The following TMC1 variants were observed in gnomAD, a reference collection of about 807,000 sequenced individuals.
TMC1 encodes the protein transmembrane channel like 1.
In TMC1, 84 loss-of-function variants were observed where a neutral mutation model predicts 105.8. The ratio of observed to expected loss-of-function variants is 0.79; its 90% CI spans 0.67 to 0.95. The LOEUF (loss-of-function observed/expected upper bound fraction) is 0.95. Ranked by LOEUF, TMC1 falls within the 40% of genes least tolerant of loss-of-function variation. The pLI, the probability that TMC1 is intolerant of heterozygous loss-of-function variation, is 0.00. For synonymous variants in TMC1, 315 were observed against 311.5 expected (o/e 1.01, Z -0.12); for missense variants, 817 against 914.1 (o/e 0.89, Z 1.37).
intron 1 of TMC1, among the ~76,000 whole-genome samples, chr9:72,532,530 A>T (rs1009363664): frequency 3.6e-5 from 4 of 112,532 alleles, no homozygotes; most frequent in Non-Finnish European, 6.9e-5. Context: ...AACAAGAGCG[A>T]GACTCCGTCT....
At chr9:72,602,366 ATTTTT>A (rs66682329) in intron 2 of TMC1, among the ~76,000 whole-genome samples, 51 of 86,544 alleles carry the variant, frequency 5.9e-4, no homozygotes, top group African/African-American at 1.1e-3. Flanking sequence ...CCTATTGGTG[ATTTTT>A]TTTTTTTTTT....
rs750183854 is a variant in TMC1 at position 72,628,005 on chromosome 9, G to A, written c.-111G>A. Reference sequence around the variant, plus strand: ...GGGGGCAGCAACTTTGAGCCTGTGGGGAAGGAACTGTCCACGTGGAGTGGT... The same window carrying A: ...GGGGGCAGCAACTTTGAGCCTGTGGAGAAGGAACTGTCCACGTGGAGTGGT... On this transcript the variant is annotated 5_prime_UTR_variant, in exon 4 of 24. Transcript: ENST00000297784. 1.1e-5 allele frequency: 5 copies of A among 455,632 alleles called. No homozygotes were observed. Among genetic ancestry groups the A allele is most frequent in the South Asian group, 6.2e-5 (4 of 64,550 alleles). 28.2% of individuals were successfully genotyped at this position (455,632 alleles called of 1,614,324 possible). A position where few individuals can be genotyped will look rare whatever the true frequency, so the allele number is the denominator to read the frequency against.
chr9:72,742,562 C>T, intron 10 of TMC1, 37 bp downstream of exon 10: 2 of 1,543,156 alleles, frequency 1.3e-6, no homozygotes, highest in Non-Finnish European at 1.8e-6. Flanking sequence ...AGAAGGTTGT[C>T]TTAGAGAAGT....
intron 17 of TMC1, among the ~76,000 whole-genome samples, chr9:72,800,689 T>C (rs1167200504): frequency 7.3e-6 from 1 of 136,814 alleles, no homozygotes; most frequent in Non-Finnish European, 1.7e-5. Flanking sequence ...CCTTGCTTCA[T>C]CATATTTTCT....
chr9:72,794,403 A>C (rs192037049), intron 17 of TMC1, among the ~76,000 whole-genome samples: 5 of 152,270 alleles, frequency 3.3e-5, no homozygotes, highest in Admixed American at 1.3e-4. Context: ...CATGGCTGCA[A>C]CTGTGCGGCA....
chr9:72,705,671 G>A (rs1826725700), intron 8 of TMC1, among the ~76,000 whole-genome samples: 1 of 152,168 alleles, frequency 6.6e-6, no homozygotes. Flanking sequence ...GATATTTAAA[G>A]AAACTTATTT....
chr9:72,789,653 G>A (rs1002349519), intron 15 of TMC1, among the ~76,000 whole-genome samples: 2 of 152,158 alleles, frequency 1.3e-5, no homozygotes, highest in Non-Finnish European at 2.9e-5. Context: ...GAAGAGTCAG[G>A]GTGAGAACCT....
chr9:72,656,266 G>A (rs1588015701), intron 5 of TMC1: 4 of 339,904 alleles, frequency 1.2e-5, no homozygotes, highest in Non-Finnish European at 2.3e-5. Flanking sequence ...AGGTGCGGGC[G>A]GATCAGAGCT....
rs761560850 is a variant in TMC1 at position 72,789,178 on chromosome 9, G to A, written c.1085G>A (p.Arg362Lys). Reference sequence around the variant, plus strand: ...GTAGAAGAAAACGTCCACTTGATCAGATTCCTGAGGTTTCTGGCTAACTTC... The same window carrying A: ...GTAGAAGAAAACGTCCACTTGATCAAATTCCTGAGGTTTCTGGCTAACTTC... ...AQVEENVHLI[R>K]FLRFLANFFV... Residue 362 changes from arginine (R) to lysine (K), a missense_variant, in exon 15 of 24, where the codon AGA becomes AAA. By Grantham distance (26) the Arg-to-Lys change is conservative (BLOSUM62 2). Coordinates refer to ENST00000297784, the MANE Select transcript of TMC1 (RefSeq NM_138691.3). 2.5e-6 allele frequency: 4 copies of A among 1,613,644 alleles called. No individual in the cohort carries two copies. Among genetic ancestry groups the A allele is most frequent in the Admixed American group, 3.3e-5 (2 of 60,020 alleles).
chr9:72,754,963 C>T (rs1827649050), intron 12 of TMC1, 79 bp downstream of exon 12: 2 of 1,010,720 alleles, frequency 2.0e-6, no homozygotes, highest in Non-Finnish European at 1.5e-6. Context: ...CCACGGCCTC[C>T]TCTCCTGGGT....
chr9:72,790,063 A>T (rs1828240305), intron 15 of TMC1, among the ~76,000 whole-genome samples: 2 of 152,180 alleles, frequency 1.3e-5, no homozygotes, highest in Non-Finnish European at 2.9e-5. Context: ...TCAGAAAATC[A>T]TTGGTCATGA....
intron 1 of TMC1, among the ~76,000 whole-genome samples, chr9:72,535,116 G>C (rs531132245): frequency 6.6e-6 from 1 of 151,978 alleles, no homozygotes. Context: ...GCTGCTTAAC[G>C]CTATATTTAT....
intron 17 of TMC1, among the ~76,000 whole-genome samples, chr9:72,793,841 T>G (rs1411523708): frequency 6.6e-6 from 1 of 152,176 alleles, no homozygotes; most frequent in Non-Finnish European, 1.5e-5. Context: ...CCTCCAGGCC[T>G]AGGCCTCCAG....
intron 8 of TMC1, among the ~76,000 whole-genome samples, chr9:72,702,327 C>T (rs1286641763): frequency 1.3e-5 from 2 of 152,044 alleles, no homozygotes; most frequent in African/African-American, 2.4e-5. Flanking sequence ...CGTGCAGGAT[C>T]GTGGAGGAGA....
intron 23 of TMC1, among the ~76,000 whole-genome samples, chr9:72,830,912 A>C (rs941795232): frequency 6.6e-6 from 1 of 152,260 alleles, no homozygotes; most frequent in Admixed American, 6.5e-5. Context: ...ATGTGGGCAT[A>C]TAAACTTGGC....
At position 72,789,206 on chromosome 9, in the gene TMC1, C is replaced by A. The variant is rs762332645; in HGVS notation, c.1113C>A (p.Phe371Leu). The A allele has an allele frequency of 1.2e-6, 2 of 1,613,948 alleles. No individual in the cohort carries two copies. Among genetic ancestry groups the A allele is most frequent in the Admixed American group, 1.7e-5 (1 of 60,012 alleles). ...IRFLRFLANF[F>L]VFLTLGGSGY... is the part of the protein sequence containing the mutation. ...TCCTGAGGTTTCTGGCTAACTTCTT[C>A]GTGTTTCTAACACTTGGAGGGAGTG... The change falls in exon 15 of 24, where the codon TTC becomes TTA. Residue 371 changes from phenylalanine (F) to leucine (L), a missense_variant. Transcript: ENST00000297784.
At chr9:72,726,679 T>G (rs1012545085) in intron 8 of TMC1, among the ~76,000 whole-genome samples, 2 of 152,192 alleles carry the variant, frequency 1.3e-5, no homozygotes, top group Non-Finnish European at 2.9e-5. Context: ...CATTTTAAAT[T>G]TATTGTCCAC....
chr9:72,825,928 G>C (rs527246871), intron 20 of TMC1, among the ~76,000 whole-genome samples: 1 of 152,214 alleles, frequency 6.6e-6, no homozygotes, highest in South Asian at 2.1e-4. Flanking sequence ...CTGGAAGATA[G>C]TATTGGTTAG....
At chr9:72,526,056 C>A (rs991445576) in intron 1 of TMC1, among the ~76,000 whole-genome samples, 1 of 151,984 alleles carries the variant, frequency 6.6e-6, no homozygotes, top group Admixed American at 6.6e-5. Context: ...ATTCGCTAAT[C>A]TTGCTTGTGC....
Sources: allele counts gnomAD v4.1 joint callset (sites outside exome capture counted in the v4.1 genomes callset), GRCh38; gene constraint gnomAD v4.1.1; transcripts MANE v1.5; gene names NCBI Gene and HGNC (gene_info 2026-07-23, HGNC 2026-07-21).